Variants in STK32C observed in about 807,000 individuals in gnomAD.
STK32C encodes the protein serine/threonine kinase 32C.
In STK32C, 31 loss-of-function variants were observed where a neutral mutation model predicts 56.5. The observed-to-expected ratio is 0.55, with a 90% confidence interval of 0.41 to 0.74. The LOEUF is 0.74. Among genes scored for constraint, STK32C ranks in the 30% least tolerant of loss-of-function variants. The probability of loss-of-function intolerance (pLI) is 0.00; values close to 1 mark genes in which losing one functional copy is unlikely to be tolerated. For synonymous variants in STK32C, 309 were observed against 289.4 expected (o/e 1.07, Z -0.69); for missense variants, 544 against 676.9 (o/e 0.80, Z 2.18).
At chr10:132,209,001 G>A (rs1312024195) in intron 11 of STK32C, 33 bp downstream of exon 11, 1 of 1,602,272 alleles carries the variant, frequency 6.2e-7, no homozygotes. Flanking sequence ...CCTCCTCTCT[G>A]CCACCACGCC....
At chr10:132,269,335 G>A (rs1248377822) in intron 1 of STK32C, among the ~76,000 whole-genome samples, 8 of 152,320 alleles carry the variant, frequency 5.3e-5, no homozygotes, top group South Asian at 2.1e-4. Context: ...TCATCTGACC[G>A]ACACATGGTG....
intron 1 of STK32C, among the ~76,000 whole-genome samples, chr10:132,263,492 G>GCTCA (rs36001211): frequency 3.3e-5 from 5 of 152,084 alleles, no homozygotes; most frequent in Non-Finnish European, 5.9e-5. Context: ...TGGGTACTAT[G>GCTCA]CTCAGTGCTT....
intron 1 of STK32C, among the ~76,000 whole-genome samples, chr10:132,249,735 C>G (rs2063830833): frequency 6.6e-6 from 1 of 152,214 alleles, no homozygotes; most frequent in South Asian, 2.1e-4. Flanking sequence ...GACCCCAGCC[C>G]CAAAGGCTCC....
chr10:132,211,605 T>C (rs984164696), intron 10 of STK32C, among the ~76,000 whole-genome samples: 3 of 152,182 alleles, frequency 2.0e-5, no homozygotes, highest in African/African-American at 4.8e-5. Flanking sequence ...CAGTACCCCA[T>C]GGCAGGGTCT....
At chr10:132,210,123 C>T (rs2062245245) in intron 10 of STK32C, among the ~76,000 whole-genome samples, 1 of 152,368 alleles carries the variant, frequency 6.6e-6, no homozygotes, top group East Asian at 1.9e-4. Flanking sequence ...ACGGAAGCAT[C>T]GTTATGCAAT....
In STK32C at chr10:132,208,294, C is replaced by T. The variant is rs74597199; in HGVS notation, c.1320-143G>A. Reference sequence around the variant, plus strand: ...ACAGGCTCGGTGTCTGCTGGAGAGGCCATGCTCCCGATACACTGGCAGGGA... The same window carrying T: ...ACAGGCTCGGTGTCTGCTGGAGAGGTCATGCTCCCGATACACTGGCAGGGA... On this transcript the variant is annotated intron_variant, in intron 11 of 11. Coordinates refer to ENST00000298630, the MANE Select transcript of STK32C (RefSeq NM_173575.4). 937 of 1,053,010 alleles carry T rather than the reference C, an allele frequency of 8.9e-4. 15 individuals are homozygous for T. The East Asian group carries it at 0.019, about 22-fold the overall frequency. The allele number at this position is 1,053,010 out of a possible 1,614,324, so 65.2% of individuals were successfully genotyped here. A position where few individuals can be genotyped will look rare whatever the true frequency, so the allele number is the denominator to read the frequency against.
chr10:132,248,872 G>A (rs1005979904), intron 1 of STK32C, among the ~76,000 whole-genome samples: 1 of 152,252 alleles, frequency 6.6e-6, no homozygotes, highest in Non-Finnish European at 1.5e-5. Flanking sequence ...GAACCAGCAA[G>A]GGAGTCCAGC....
chr10:132,266,702 C>T (rs1220475387), intron 1 of STK32C, among the ~76,000 whole-genome samples: 9 of 150,540 alleles, frequency 6.0e-5, no homozygotes, highest in Admixed American at 6.0e-4. Context: ...GGAACGCGGG[C>T]GTGGGTGGGG....
intron 7 of STK32C, among the ~76,000 whole-genome samples, 174 bp downstream of exon 7, chr10:132,225,059 C>T (rs570657397): frequency 1.3e-5 from 2 of 152,362 alleles, no homozygotes; most frequent in South Asian, 4.1e-4. Context: ...CTTCCTCCTC[C>T]TGCTCAGGCA....
chr10:132,255,396 T>C lies in STK32C; in HGVS notation c.263-9441A>G, dbSNP rs1244524579. 6.6e-6 allele frequency among the ~76,000 whole-genome samples: 1 copy of C among 151,322 alleles called. No individual in the cohort carries two copies. Among genetic ancestry groups the C allele is most frequent in the East Asian group, 1.9e-4 (1 of 5,140 alleles). ...GCTAGGTCAACAGGAACCACAGGAG[T>C]CACCAGACATCACCTCACAGACCCC... On this transcript the variant is annotated intron_variant, in intron 1 of 11. Coordinates refer to ENST00000298630, the MANE Select transcript of STK32C (RefSeq NM_173575.4). The surrounding 1 kb of genome is among the most constrained non-coding windows in gnomAD (Gnocchi z 4.6).
chr10:132,241,888 CTT>C, intron 2 of STK32C, among the ~76,000 whole-genome samples: 1 of 152,278 alleles, frequency 6.6e-6, no homozygotes, highest in South Asian at 2.1e-4. Flanking sequence ...GGGCAGATCT[CTT>C]GAGGTCACGA....
chr10:132,245,331 T>C (rs1328518418), intron 2 of STK32C, among the ~76,000 whole-genome samples: 1 of 152,184 alleles, frequency 6.6e-6, no homozygotes. Flanking sequence ...CTTTTCCGAG[T>C]GCTCGTTAAG....
At chr10:132,250,657 A>G (rs1395411655) in intron 1 of STK32C, among the ~76,000 whole-genome samples, 1 of 148,662 alleles carries the variant, frequency 6.7e-6, no homozygotes, top group East Asian at 2.1e-4. Context: ...CACTGCAGAG[A>G]GGGGCCCCGC....
intron 10 of STK32C, among the ~76,000 whole-genome samples, chr10:132,214,638 A>C (rs1474577730): frequency 6.6e-6 from 1 of 152,268 alleles, no homozygotes; most frequent in Non-Finnish European, 1.5e-5. Context: ...TAATTGATCC[A>C]AAAGATAACT....
intron 10 of STK32C, among the ~76,000 whole-genome samples, chr10:132,218,926 C>T (rs1031641502): frequency 2.0e-5 from 3 of 152,188 alleles, no homozygotes; most frequent in Non-Finnish European, 2.9e-5. Context: ...AAGCATCCTG[C>T]GAAGTGAAAG....
In STK32C at chr10:132,207,884, G is replaced by C. The variant is rs1198492544; in HGVS notation, c.*126C>G. On this transcript the variant is annotated 3_prime_UTR_variant, in exon 12 of 12. Coordinates refer to ENST00000298630, the MANE Select transcript of STK32C (RefSeq NM_173575.4). The stretch of plus-strand genomic sequence containing the variant: ...GAGCCTGAGGTGTGAAATGTGTCCG[G>C]GGCACTGTGGGCACCGCCAGCCAGG... The C allele has an allele frequency of 9.9e-6, 11 of 1,113,986 alleles. No individual in the cohort carries two copies. Among genetic ancestry groups the C allele is most frequent in the Admixed American group, 4.2e-5 (1 of 23,534 alleles). 69.0% of individuals were successfully genotyped at this position (1,113,986 alleles called of 1,614,324 possible). A position where few individuals can be genotyped will look rare whatever the true frequency, so the allele number is the denominator to read the frequency against.
chr10:132,322,868 C>T (rs947956873), downstream of STK32C, among the ~76,000 whole-genome samples: 5 of 152,192 alleles, frequency 3.3e-5, no homozygotes, highest in African/African-American at 1.2e-4. Context: ...CCCATTCTCT[C>T]TGGCCCAGGG....
rs749161248 is a variant in STK32C, at chr10:132,252,511, G to T, written c.263-6556C>A. On this transcript the variant is annotated intron_variant, in intron 1 of 11. Transcript: ENST00000298630. Reference sequence around the variant, plus strand: ...TGCTGTCCACCTCTCAAATTAAGACGCAGGTAAAAGGAGAAGCAGACGCAG... The same window carrying T: ...TGCTGTCCACCTCTCAAATTAAGACTCAGGTAAAAGGAGAAGCAGACGCAG... Among the ~76,000 whole-genome samples the T allele has an allele frequency of 3.9e-5, 6 of 152,368 alleles. 1 individual carries two copies. Among genetic ancestry groups the T allele is most frequent in the African/African-American group, 1.4e-4 (6 of 41,596 alleles).
chr10:132,249,324 C>T (rs1419160123), intron 1 of STK32C, among the ~76,000 whole-genome samples: 2 of 152,126 alleles, frequency 1.3e-5, no homozygotes, highest in Non-Finnish European at 2.9e-5. Context: ...CTAAGACTGA[C>T]AAGGAGGGCA....
Sources: allele counts gnomAD v4.1 joint callset (sites outside exome capture counted in the v4.1 genomes callset), GRCh38; gene constraint gnomAD v4.1.1; non-coding constraint Gnocchi (gnomAD v3.1); transcripts MANE v1.5; gene names NCBI Gene and HGNC (gene_info 2026-07-23, HGNC 2026-07-21).